Variants in SREBF2 observed in about 807,000 individuals in gnomAD.
SREBF2 encodes the protein sterol regulatory element binding transcription factor 2, also known as sterol regulatory element-binding protein 2.
In SREBF2, 55 loss-of-function variants were observed where a neutral mutation model predicts 113.1. That is an observed-to-expected ratio of 0.49 (90% CI 0.39 to 0.61). SREBF2 has a LOEUF of 0.61. Ranked by LOEUF, SREBF2 falls within the 20% of genes least tolerant of loss-of-function variation. The pLI, the probability that SREBF2 is intolerant of heterozygous loss-of-function variation, is 0.00. For missense variants in SREBF2, 1,349 were observed against 1,487.4 expected (o/e 0.91, Z 1.53); for synonymous variants, 593 against 605.7 (o/e 0.98, Z 0.31).
Position 41,905,539 on chromosome 22 carries a change from G to T in SREBF2, c.3305G>T (p.Arg1102Leu). The stretch of plus-strand genomic sequence containing the variant: ...TCCTTCCTCTCCTCCCCGGGCCAGC[G>T]GGCAGTGCTGCTGGCCGAAGCTGCC... ...PLSFLSSPGQ[R>L]AVLLAEAART... is the part of the protein sequence containing the mutation. Residue 1102 changes from arginine to leucine, a missense_variant, in exon 19 of 19, where the codon CGG (arginine) becomes CTG (leucine). This residue lies in a region of SREBF2 where 650 missense variants were observed against 644.1 expected (regional missense o/e 1.01). Coordinates refer to ENST00000361204, the MANE Select transcript of SREBF2 (RefSeq NM_004599.4). The T allele has an allele frequency of 6.3e-7, 1 of 1,589,242 alleles. No homozygotes were observed. Among genetic ancestry groups the T allele is most frequent in the Non-Finnish European group, 8.6e-7 (1 of 1,168,530 alleles).
chr22:41,877,072 G>A (rs1239014087), intron 7 of SREBF2, among the ~76,000 whole-genome samples, 157 bp from the exon 8 acceptor site: 1 of 152,190 alleles, frequency 6.6e-6, no homozygotes, highest in Non-Finnish European at 1.5e-5. Context: ...AGCAGTTAGT[G>A]AATTATAGGC....
At chr22:41,890,882 TG>T (rs1396746130) in intron 11 of SREBF2, among the ~76,000 whole-genome samples, 1 of 151,480 alleles carries the variant, frequency 6.6e-6, no homozygotes, top group Non-Finnish European at 1.5e-5. Flanking sequence ...CACTCCAGCC[TG>T]GGTGACAGAG....
chr22:41,892,643 G>T (rs1288023557), intron 11 of SREBF2, among the ~76,000 whole-genome samples: 4 of 102,548 alleles, frequency 3.9e-5, no homozygotes, highest in Non-Finnish European at 6.7e-5. Context: ...GCGAAACTCC[G>T]TCTCAAAAAA....
chr22:41,893,962 G>A (rs1241555430), intron 12 of SREBF2, among the ~76,000 whole-genome samples: 1 of 152,164 alleles, frequency 6.6e-6, no homozygotes, highest in South Asian at 2.1e-4. Context: ...ACAGGTATAG[G>A]GGTGTGTGTC....
At chr22:41,841,217 A>G (rs2076827940) in intron 1 of SREBF2, among the ~76,000 whole-genome samples, 1 of 152,078 alleles carries the variant, frequency 6.6e-6, no homozygotes, top group African/African-American at 2.4e-5. Context: ...CCAGGGAGGG[A>G]TGCTTTGGAA....
intron 1 of SREBF2, among the ~76,000 whole-genome samples, chr22:41,837,497 G>T (rs2076786776): frequency 6.7e-6 from 1 of 150,190 alleles, no homozygotes; most frequent in Non-Finnish European, 1.5e-5. Context: ...GGCAGAGGTT[G>T]CAGTAAGCTG....
chr22:41,849,088 A>G (rs1393574810), intron 1 of SREBF2, among the ~76,000 whole-genome samples: 2 of 152,196 alleles, frequency 1.3e-5, no homozygotes, highest in Non-Finnish European at 2.9e-5. Flanking sequence ...GAAAACAGCA[A>G]CAACAGCTTT....
intron 1 of SREBF2, among the ~76,000 whole-genome samples, chr22:41,837,114 G>T (rs1418515629): frequency 6.6e-6 from 1 of 152,178 alleles, no homozygotes; most frequent in African/African-American, 2.4e-5. Flanking sequence ...AGTTTAGGCA[G>T]GGCACTGTGA....
At position 41,880,730 on chromosome 22, in the gene SREBF2, T is replaced by C. The variant is rs1382000761; in HGVS notation, c.1776T>C (p.Ala592=). ...ATACTTTGTAGGGAGATTTTGCAGC[T>C]GCTGCCGGCAACCTACAAACCTGCC... ...DLDLARGDFA[A]AAGNLQTCLA... is the part of the protein sequence containing the mutation. The change falls in exon 10 of 19, where the codon GCT becomes GCC. Residue 592 remains alanine, a synonymous_variant. Coordinates refer to ENST00000361204, the MANE Select transcript of SREBF2 (RefSeq NM_004599.4). The C allele has an allele frequency of 1.2e-6, 2 of 1,614,104 alleles. No homozygotes were observed. The highest frequency in any genetic ancestry group is 2.7e-5 in the African/African-American group (2 of 74,948).
chr22:41,871,880 C>T (rs1487456270), intron 4 of SREBF2, among the ~76,000 whole-genome samples: 1 of 136,468 alleles, frequency 7.3e-6, no homozygotes, highest in Non-Finnish European at 1.5e-5. Context: ...GCCTGGATGA[C>T]AGAACGAGAC....
chr22:41,866,456 G>A lies in SREBF2; in HGVS notation c.89-375G>A, dbSNP rs536161604. On this transcript the variant is annotated intron_variant, in intron 1 of 18. Transcript: ENST00000361204. Reference sequence around the variant, plus strand: ...TCCCAGCTACTCAGGAGGCTGAGGCGGGAGAATCGCTTGAACCCAGGAGGC... The same window carrying A: ...TCCCAGCTACTCAGGAGGCTGAGGCAGGAGAATCGCTTGAACCCAGGAGGC... 4.9e-3 allele frequency among the ~76,000 whole-genome samples: 739 copies of A among 152,266 alleles called. 3 individuals carry two copies. The highest frequency in any genetic ancestry group is 0.031 in the Middle Eastern group (9 of 294).
Position 41,906,326 on chromosome 22 carries a change from G to T in SREBF2, c.*666G>T. 1 of 199,340 alleles carries T rather than the reference G, an allele frequency of 5.0e-6. No individual in the cohort carries two copies. 12.3% of individuals were successfully genotyped at this position (199,340 alleles called of 1,614,324 possible). On this transcript the variant is annotated 3_prime_UTR_variant, in exon 19 of 19. Transcript: ENST00000361204. ...GCCTGCGGATGCATGAAATAATGTT[G>T]GCATTATTTTTTAATTTTTTAAAAA... is the stretch of plus-strand genomic sequence containing the variant.
intron 1 of SREBF2, among the ~76,000 whole-genome samples, chr22:41,864,856 T>C (rs897027014): frequency 3.3e-5 from 5 of 152,068 alleles, no homozygotes; most frequent in African/African-American, 1.2e-4. Flanking sequence ...AGGAGGCTGA[T>C]GTGGAAGGAT....
chr22:41,875,557 A>G lies in SREBF2; in HGVS notation c.1219A>G (p.Ile407Val), dbSNP rs770062879. 3.1e-6 allele frequency: 5 copies of G among 1,614,226 alleles called. No individual in the cohort carries two copies. Among genetic ancestry groups the G allele is most frequent in the South Asian group, 1.1e-5 (1 of 91,084 alleles). ...TTTCTTTGCAGAGCTTCTAAAGGGC[A>G]TCGACCTAGGCAGTCTGGTGGACAA... ...ANQKNKLLKG[I>V]DLGSLVDNEV... The change falls in exon 7 of 19, where the codon ATC becomes GTC. Residue 407 changes from isoleucine to valine, a missense_variant. Transcript: ENST00000361204.
intron 1 of SREBF2, among the ~76,000 whole-genome samples, chr22:41,854,696 C>A (rs1050982069): frequency 1.3e-5 from 2 of 151,006 alleles, no homozygotes; most frequent in Non-Finnish European, 3.0e-5. Flanking sequence ...TGGTGAAACC[C>A]GGTCTCAACT....
In SREBF2 at chr22:41,893,100, T is replaced by A. The variant is rs1364671280; in HGVS notation, c.2209-17T>A. On this transcript the variant is annotated splice_polypyrimidine_tract_variant and intron_variant, in intron 11 of 18. Coordinates refer to ENST00000361204, the MANE Select transcript of SREBF2 (RefSeq NM_004599.4). ...TCTGCCACCTTGGTGTTACCCCTGG[T>A]CCTTGTCCTTCCACAGAGCTACTTC... 1 of 1,612,350 alleles carries A rather than the reference T, an allele frequency of 6.2e-7. No individual in the cohort carries two copies. Among genetic ancestry groups the A allele is most frequent in the Non-Finnish European group, 8.5e-7 (1 of 1,180,006 alleles).
chr22:41,889,636 G>A (rs2077336751), intron 11 of SREBF2, among the ~76,000 whole-genome samples: 1 of 151,286 alleles, frequency 6.6e-6, no homozygotes, highest in South Asian at 2.1e-4. Context: ...AGTTAGCTAT[G>A]GTCACACCTG....
At chr22:41,899,073 A>G (rs1295621714) in intron 15 of SREBF2, 4 of 614,518 alleles carry the variant, frequency 6.5e-6, no homozygotes, top group Non-Finnish European at 1.0e-5. Flanking sequence ...GCTGAAAAGA[A>G]GAGACGAGAG....
At chr22:41,862,229 A>G (rs1332919408) in intron 1 of SREBF2, among the ~76,000 whole-genome samples, 1 of 152,194 alleles carries the variant, frequency 6.6e-6, no homozygotes, top group African/African-American at 2.4e-5. Flanking sequence ...CAAGCTCCAT[A>G]AAGTTCATGT....
Sources: allele counts gnomAD v4.1 joint callset (sites outside exome capture counted in the v4.1 genomes callset), GRCh38; gene constraint gnomAD v4.1.1; regional missense constraint gnomAD v4.1.1; transcripts MANE v1.5; gene names NCBI Gene and HGNC (gene_info 2026-07-23, HGNC 2026-07-21).